ARL14EP: variants seen among roughly 807,000 people sequenced by gnomAD.
The protein encoded by ARL14EP is ARL14 effector protein.
Under a neutral mutation model 23.1 loss-of-function variants are expected in ARL14EP, and 12 were observed. The ratio of observed to expected loss-of-function variants is 0.52; its 90% CI spans 0.33 to 0.84. ARL14EP has a LOEUF of 0.84. ARL14EP is among the 40% of genes least tolerant of loss of function. The pLI is 0.02. For missense variants in ARL14EP, 253 were observed against 307.3 expected, an observed-to-expected ratio of 0.82 and a Z score of 1.32; for synonymous variants, 97 against 102.0, an observed-to-expected ratio of 0.95 and a Z score of 0.29.
Position 30,331,700 on chromosome 11 carries a change from C to T in ARL14EP, c.426+326C>T, listed in dbSNP as rs1329024143. 3.0e-5 allele frequency: 34 copies of T among 1,145,898 alleles called. No homozygotes were observed. In the East Asian group the frequency reaches 1.6e-3, roughly 55 times the overall value. 71.0% of individuals were successfully genotyped at this position (1,145,898 alleles called of 1,614,324 possible). ...AGTTTCTTTTCTGATACCAAAGTAA[C>T]TACACGGGACATGGCAACCACCAAG... On this transcript the variant is annotated intron_variant, in intron 2 of 3. Coordinates refer to ENST00000282032, the MANE Select transcript of ARL14EP (RefSeq NM_152316.3).
intron 1 of ARL14EP, chr11:30,329,526 C>T (rs1256868322): frequency 6.6e-6 from 1 of 152,140 alleles, no homozygotes; most frequent in Non-Finnish European, 1.5e-5. Context: ...AGAAAATGTT[C>T]TAAAGCAGTT....
intron 3 of ARL14EP, among the ~76,000 whole-genome samples, chr11:30,336,054 A>C (rs1425342567): frequency 6.6e-6 from 1 of 152,154 alleles, no homozygotes; most frequent in Non-Finnish European, 1.5e-5. Context: ...TTTTTTTTCT[A>C]AGTTCAGTCA....
intron 2 of ARL14EP, 76 bp downstream of exon 2, chr11:30,331,450 A>G (rs1048566797): frequency 6.3e-7 from 1 of 1,593,904 alleles, no homozygotes; most frequent in South Asian, 1.1e-5. Context: ...AGAAAATCAT[A>G]TTTACATTAT....
At chr11:30,329,850 T>G (rs1201464966) in intron 1 of ARL14EP, 1 of 152,114 alleles carries the variant, frequency 6.6e-6, no homozygotes, top group Non-Finnish European at 1.5e-5. Context: ...AGTGTCTTTT[T>G]TTTTCTCCTT....
At chr11:30,335,976 T>A (rs1239282027) in intron 3 of ARL14EP, among the ~76,000 whole-genome samples, 1 of 152,182 alleles carries the variant, frequency 6.6e-6, no homozygotes, top group Non-Finnish European at 1.5e-5. Context: ...ATAGTCAACA[T>A]AATGAATGGG....
chr11:30,330,715 T>C (rs1008913318), intron 1 of ARL14EP, 171 bp from the exon 2 acceptor site: 3 of 478,482 alleles, frequency 6.3e-6, no homozygotes, highest in African/African-American at 5.8e-5. Flanking sequence ...AAGTTCTGAC[T>C]TTACAGGGAA....
At chr11:30,323,430 C>T (rs919989274) in intron 1 of ARL14EP, among the ~76,000 whole-genome samples, 4 of 152,218 alleles carry the variant, frequency 2.6e-5, no homozygotes, top group African/African-American at 7.2e-5. Context: ...CAGGTTCTGC[C>T]GCCTCTGACC....
Position 30,327,016 on chromosome 11 carries a change from G to A in ARL14EP, c.-64+3814G>A, listed in dbSNP as rs78294565. 2.6e-3 allele frequency among the ~76,000 whole-genome samples: 403 copies of A among 152,292 alleles called. 4 individuals carry two copies. Among genetic ancestry groups the A allele is most frequent in the Admixed American group, 6.9e-3 (105 of 15,294 alleles). On this transcript the variant is annotated intron_variant, in intron 1 of 3. Coordinates refer to ENST00000282032, the MANE Select transcript of ARL14EP (RefSeq NM_152316.3). ...ATTCAAATCTAACAGGGCATCCTGC[G>A]TTTTTTATTTGCCAAGTCTGGTGAC...
intron 1 of ARL14EP, chr11:30,329,947 T>C (rs1455953486): frequency 6.6e-6 from 1 of 152,130 alleles, no homozygotes; most frequent in Admixed American, 6.5e-5. Context: ...TGCTTGCTTG[T>C]TTGAAAAATT....
intron 1 of ARL14EP, chr11:30,328,634 C>G (rs1947260148): frequency 6.6e-6 from 1 of 151,986 alleles, no homozygotes; most frequent in Admixed American, 6.6e-5. Context: ...TATTTTTTAA[C>G]TTTGTAAATA....
At chr11:30,324,053 T>C (rs891893011) in intron 1 of ARL14EP, among the ~76,000 whole-genome samples, 2 of 152,168 alleles carry the variant, frequency 1.3e-5, no homozygotes, top group Non-Finnish European at 2.9e-5. Context: ...TGTCATGTTA[T>C]AGGTAATCAG....
chr11:30,323,571 T>C (rs1329619632), intron 1 of ARL14EP, among the ~76,000 whole-genome samples: 1 of 152,204 alleles, frequency 6.6e-6, no homozygotes, highest in Non-Finnish European at 1.5e-5. Flanking sequence ...TGTTTTTAAT[T>C]TTTCAAATCA....
At position 30,331,218 on chromosome 11, in the gene ARL14EP, G is replaced by A. The variant is rs766901543; in HGVS notation, c.270G>A (p.Leu90=). The change falls in exon 2 of 4, where the codon TTG becomes TTA. Residue 90 remains leucine (L), a synonymous_variant. Transcript: ENST00000282032. ...ACAAGAAATTAGCCAAAAAAAATTTGCATGTAATTGACTTAGATGATGCCA... is the reference window on the plus strand; with the variant it reads ...ACAAGAAATTAGCCAAAAAAAATTTACATGTAATTGACTTAGATGATGCCA... ...NIHKKLAKKN[L]HVIDLDDATF... is the part of the protein sequence containing the mutation. 4.2e-5 allele frequency: 68 copies of A among 1,613,766 alleles called. No homozygotes were observed. In the South Asian group the frequency reaches 7.4e-4, roughly 17 times the overall value.
intron 1 of ARL14EP, among the ~76,000 whole-genome samples, chr11:30,324,453 C>G (rs1947221277): frequency 6.6e-6 from 1 of 152,108 alleles, no homozygotes; most frequent in African/African-American, 2.4e-5. Flanking sequence ...TTCTGCATCT[C>G]CCCTACAAAT....
At chr11:30,335,654 C>A (rs1947324878) in intron 3 of ARL14EP, among the ~76,000 whole-genome samples, 2 of 152,064 alleles carry the variant, frequency 1.3e-5, no homozygotes, top group African/African-American at 4.8e-5. Flanking sequence ...AGCAATAGAG[C>A]ATTTTTAAAT....
intron 2 of ARL14EP, among the ~76,000 whole-genome samples, chr11:30,332,291 T>C (rs763103456): frequency 6.6e-6 from 1 of 151,128 alleles, no homozygotes; most frequent in Non-Finnish European, 1.5e-5. Context: ...TACTAGATAC[T>C]TGCTGATAGT....
chr11:30,329,904 T>C (rs1331587302), intron 1 of ARL14EP: 1 of 152,080 alleles, frequency 6.6e-6, no homozygotes, highest in Non-Finnish European at 1.5e-5. Context: ...ATCAAATATA[T>C]CCATCTTTTT....
intron 1 of ARL14EP, among the ~76,000 whole-genome samples, chr11:30,324,050 T>TTA (rs1335771417): frequency 6.6e-6 from 1 of 152,174 alleles, no homozygotes; most frequent in African/African-American, 2.4e-5. Flanking sequence ...AATTGTCATG[T>TTA]TATAGGTAAT....
At position 30,331,291 on chromosome 11, in the gene ARL14EP, C is replaced by T; in HGVS notation, c.343C>T (p.Leu115Phe). Residue 115 changes from leucine (L) to phenylalanine (F), a missense_variant, in exon 2 of 4, where the codon CTT (leucine) becomes TTT (phenylalanine). Physicochemically the swap from Leu to Phe is conservative, Grantham distance 22. Transcript: ENST00000282032. ...FGRQLVPGWK[L>F]CPKCTQIING... ...AAGACAGCTTGTACCTGGTTGGAAG[C>T]TTTGTCCAAAATGCACACAGATAAT... 6.2e-7 allele frequency: 1 copy of T among 1,613,896 alleles called. No individual in the cohort carries two copies. The highest frequency in any genetic ancestry group is 8.5e-7 in the Non-Finnish European group (1 of 1,179,866).
Sources: allele counts gnomAD v4.1 joint callset (sites outside exome capture counted in the v4.1 genomes callset), GRCh38; gene constraint gnomAD v4.1.1; transcripts MANE v1.5; gene names NCBI Gene and HGNC (gene_info 2026-07-23, HGNC 2026-07-21).